The following FAM107A variants were observed in gnomAD, a reference collection of about 807,000 sequenced individuals.
FAM107A encodes actin-associated protein FAM107A.
Under a neutral mutation model 13.7 loss-of-function variants are expected in FAM107A, and 19 were observed. The observed-to-expected ratio is 1.38, with a 90% CI of 0.97 to 2.03. The LOEUF (loss-of-function observed/expected upper bound fraction) is 2.03. Among genes scored for constraint, FAM107A ranks in the 30% most tolerant of loss-of-function variants. The pLI is 0.00. For missense variants in FAM107A, 203 were observed against 184.4 expected (o/e 1.10, Z -0.58); for synonymous variants, 82 against 74.5 (o/e 1.10, Z -0.52).
At chr3:58,626,353 A>C (rs1274735762) in intron 1 of FAM107A, among the ~76,000 whole-genome samples, 1 of 152,224 alleles carries the variant, frequency 6.6e-6, no homozygotes, top group Non-Finnish European at 1.5e-5. Flanking sequence ...AATGCTGTCT[A>C]CAAACCCCCA....
intron 1 of FAM107A, among the ~76,000 whole-genome samples, chr3:58,575,785 C>T (rs1367939693): frequency 6.6e-6 from 1 of 152,230 alleles, no homozygotes; most frequent in Non-Finnish European, 1.5e-5. Flanking sequence ...GAGCCCCAGC[C>T]TGGCCCTAGC....
chr3:58,599,789 C>T (rs911299251), intron 1 of FAM107A, among the ~76,000 whole-genome samples: 3 of 125,248 alleles, frequency 2.4e-5, no homozygotes, highest in Non-Finnish European at 4.8e-5. Context: ...GTGATCTCGG[C>T]TTACTGCAAC....
At chr3:58,591,108 C>G (rs915321029), upstream of FAM107A, among the ~76,000 whole-genome samples, 46 of 152,156 alleles carry the variant, frequency 3.0e-4, no homozygotes, top group Non-Finnish European at 6.2e-4. The surrounding 1 kb of genome is among the most constrained non-coding windows in gnomAD (Gnocchi z 4.3). Flanking sequence ...TTGCAGCGTT[C>G]ACGTTCACAT....
rs1168355410 is a variant in FAM107A, at chr3:58,617,106, G to T, written c.-70+10310C>A. ...CAGTTTCTGATCGTTTGTTATGGCC[G>T]CCCCAGGAAACTCCTGTGTCACTTC... On this transcript the variant is annotated intron_variant, in intron 1 of 3. Transcript: ENST00000465970. The surrounding 1 kb of genome is among the most constrained non-coding windows in gnomAD (Gnocchi z 4.5). Among the ~76,000 whole-genome samples the T allele has an allele frequency of 6.6e-6, 1 of 152,062 alleles. No homozygotes were observed. Among genetic ancestry groups the T allele is most frequent in the Non-Finnish European group, 1.5e-5 (1 of 67,998 alleles).
chr3:58,570,583 CAGAGAGAGAG>C (rs371909507), intron 1 of FAM107A, among the ~76,000 whole-genome samples: 1,781 of 91,072 alleles, frequency 0.02, 29 homozygotes, highest in African/African-American at 0.025. Context: ...GCAAATACAG[CAGAGAGAGAG>C]AGAGAGAGAG....
At chr3:58,584,650 C>T (rs1007683784) in intron 1 of FAM107A, among the ~76,000 whole-genome samples, 1 of 152,154 alleles carries the variant, frequency 6.6e-6, no homozygotes. Flanking sequence ...GAACATATGG[C>T]CGCTTCACGC....
upstream of FAM107A, among the ~76,000 whole-genome samples, chr3:58,582,720 T>G (rs1261048387): frequency 6.6e-6 from 1 of 152,246 alleles, no homozygotes. Context: ...TGGAGAGCCC[T>G]TCACACCGTG....
chr3:58,612,597 C>T (rs972457904), intron 1 of FAM107A, among the ~76,000 whole-genome samples: 1 of 149,228 alleles, frequency 6.7e-6, no homozygotes, highest in African/African-American at 2.5e-5. Context: ...AAAAAAAGGA[C>T]CCAGGTAACC....
chr3:58,571,864 C>T (rs141932067), intron 1 of FAM107A, among the ~76,000 whole-genome samples: 1 of 152,264 alleles, frequency 6.6e-6, no homozygotes, highest in East Asian at 1.9e-4. Flanking sequence ...TCCCTCTGTG[C>T]CCCCCAAATC....
chr3:58,612,463 T>C (rs7652809), intron 1 of FAM107A, among the ~76,000 whole-genome samples: 151,561 of 152,094 alleles, frequency 1, 75,517 homozygotes, highest in Middle Eastern at 1. Flanking sequence ...ACCTATAGTA[T>C]TAGCTACTTG....
At chr3:58,619,450 G>A (rs1181879807) in intron 1 of FAM107A, among the ~76,000 whole-genome samples, 1 of 152,190 alleles carries the variant, frequency 6.6e-6, no homozygotes, top group African/African-American at 2.4e-5. Flanking sequence ...GCTGAAGAGG[G>A]CTGGAAAACC....
In FAM107A at chr3:58,619,202, T is replaced by C. The variant is rs111533921; in HGVS notation, c.-70+8214A>G. On this transcript the variant is annotated intron_variant, in intron 1 of 3. Coordinates refer to the FAM107A transcript ENST00000465970. Reference sequence around the variant, plus strand: ...TTTTTTGTAGTGATGGGTCTCACTATTTTGCCCAGGCTGGTCCTGAATTCC... The same window carrying C: ...TTTTTTGTAGTGATGGGTCTCACTACTTTGCCCAGGCTGGTCCTGAATTCC... 2.1e-3 allele frequency among the ~76,000 whole-genome samples: 320 copies of C among 152,254 alleles called. 2 individuals are homozygous for C. Among genetic ancestry groups the C allele is most frequent in the African/African-American group, 7.2e-3 (300 of 41,544 alleles).
intron 1 of FAM107A, among the ~76,000 whole-genome samples, chr3:58,612,970 C>T (rs773100314): frequency 4.6e-5 from 7 of 152,070 alleles, no homozygotes; most frequent in South Asian, 2.1e-4. Flanking sequence ...TCCACTCCCA[C>T]GCTGCAGGAA....
intron 1 of FAM107A, among the ~76,000 whole-genome samples, chr3:58,612,244 A>AC (rs2065861329): frequency 6.6e-6 from 1 of 152,196 alleles, no homozygotes; most frequent in African/African-American, 2.4e-5. Flanking sequence ...TGGTCAAAAA[A>AC]ACTGTGGCAT....
At chr3:58,626,999 CG>C in intron 1 of FAM107A, 1 of 1,536,056 alleles carries the variant, frequency 6.5e-7, no homozygotes, top group East Asian at 2.4e-5. Flanking sequence ...TCCCATGGCA[CG>C]AAGTGGGCAC....
intron 2 of FAM107A, among the ~76,000 whole-genome samples, chr3:58,568,165 T>C (rs2063642150): frequency 6.6e-6 from 1 of 151,164 alleles, no homozygotes; most frequent in Non-Finnish European, 1.5e-5. Flanking sequence ...CCAGGCACAG[T>C]GGCTCACGCC....
chr3:58,597,205 G>GCAGATATC (rs2065714788), intron 1 of FAM107A, among the ~76,000 whole-genome samples: 2 of 152,194 alleles, frequency 1.3e-5, no homozygotes, highest in African/African-American at 4.8e-5. Context: ...TTTCTGTTGG[G>GCAGATATC]CAGATATCCA....
chr3:58,566,632 G>A lies in FAM107A; in HGVS notation c.391C>T (p.Leu131=). ...APEFIKVREN[L]RRIATLTSEE... ...CTGGTCAGTGTGGCAATTCTCCGCA[G>A]GTTTTCCCTGACTTTAATAAACTCG... The change falls in exon 4 of 4, where the codon CTG becomes TTG. Residue 131 remains leucine (L), a synonymous_variant. Coordinates refer to ENST00000360997, the MANE Select transcript of FAM107A (RefSeq NM_001076778.3). 1.2e-6 allele frequency: 2 copies of A among 1,614,048 alleles called. No individual in the cohort carries two copies. Among genetic ancestry groups the A allele is most frequent in the Non-Finnish European group, 1.7e-6 (2 of 1,179,974 alleles).
intron 1 of FAM107A, among the ~76,000 whole-genome samples, chr3:58,597,406 G>A (rs966261133): frequency 6.6e-6 from 1 of 152,154 alleles, no homozygotes. Flanking sequence ...AAATTGCATC[G>A]CTGATAAACA....
Sources: gnomAD v4.1 joint callset for allele counts (sites outside exome capture counted in the v4.1 genomes callset) on GRCh38, gnomAD v4.1.1 for gene constraint, Gnocchi (gnomAD v3.1) non-coding constraint, MANE v1.5 for transcripts, NCBI Gene and HGNC (gene_info 2026-07-23, HGNC 2026-07-21) for gene names.